Variants in MYO1E observed in about 807,000 individuals in gnomAD.
MYO1E encodes myosin IE, also known as unconventional myosin-Ie.
A neutral mutation model predicts 151.1 loss-of-function variants in MYO1E; 68 were observed. The ratio of observed to expected loss-of-function variants is 0.45; its 90% confidence interval spans 0.37 to 0.55. MYO1E has a LOEUF of 0.55. Ranked by LOEUF, MYO1E falls within the 20% of genes least tolerant of loss-of-function variation. MYO1E has a pLI of 0.00. For missense variants in MYO1E, 1,363 were observed against 1,389.3 expected (o/e 0.98, Z 0.30); for synonymous variants, 601 against 501.7 (o/e 1.20, Z -2.64).
chr15:59,239,336 T>A (rs1225666670), intron 4 of MYO1E, among the ~76,000 whole-genome samples: 1 of 151,582 alleles, frequency 6.6e-6, no homozygotes, highest in Admixed American at 6.6e-5. Context: ...TTCATTACAT[T>A]ATTATTATTC....
intron 1 of MYO1E, among the ~76,000 whole-genome samples, chr15:59,368,971 T>G (rs2080929942): frequency 6.6e-6 from 1 of 152,222 alleles, no homozygotes; most frequent in African/African-American, 2.4e-5. Flanking sequence ...CTCTAGGTAT[T>G]TCCCCAACGC....
At chr15:59,301,301 C>T (rs549509915) in intron 1 of MYO1E, among the ~76,000 whole-genome samples, 2 of 152,302 alleles carry the variant, frequency 1.3e-5, no homozygotes, top group South Asian at 4.2e-4. Flanking sequence ...TACATCTGAG[C>T]ATTTAAAAAT....
intron 4 of MYO1E, among the ~76,000 whole-genome samples, chr15:59,245,334 T>C (rs147674210): frequency 3.3e-5 from 5 of 152,296 alleles, no homozygotes; most frequent in African/African-American, 1.2e-4. Flanking sequence ...CTGCAAAAAT[T>C]ACATATTTCA....
intron 1 of MYO1E, among the ~76,000 whole-genome samples, chr15:59,349,813 T>C (rs907110158): frequency 6.6e-6 from 1 of 152,228 alleles, no homozygotes; most frequent in Non-Finnish European, 1.5e-5. Flanking sequence ...AACTGAAGCA[T>C]TTCCTTAACA....
At chr15:59,182,916 C>T (rs990720715) in intron 18 of MYO1E, among the ~76,000 whole-genome samples, 1 of 152,166 alleles carries the variant, frequency 6.6e-6, no homozygotes, top group East Asian at 1.9e-4. Context: ...TGAAACTGTT[C>T]CACCTCAGGT....
At chr15:59,240,999 T>C (rs1322087560) in intron 4 of MYO1E, among the ~76,000 whole-genome samples, 2 of 152,208 alleles carry the variant, frequency 1.3e-5, no homozygotes, top group African/African-American at 4.8e-5. Flanking sequence ...AGTGGAGATG[T>C]GGGTATGGCT....
intron 12 of MYO1E, among the ~76,000 whole-genome samples, chr15:59,213,168 TA>T (rs2079891401): frequency 6.8e-6 from 1 of 147,234 alleles, no homozygotes; most frequent in African/African-American, 2.5e-5. Flanking sequence ...TTATTATTAT[TA>T]TTATTATTAT....
At chr15:59,273,444 C>T (rs1201031203) in intron 1 of MYO1E, among the ~76,000 whole-genome samples, 1 of 152,140 alleles carries the variant, frequency 6.6e-6, no homozygotes, top group Non-Finnish European at 1.5e-5. Context: ...CCTTGAAGGA[C>T]ACCTAGATAA....
At chr15:59,357,756 G>A (rs2080863290) in intron 1 of MYO1E, among the ~76,000 whole-genome samples, 1 of 152,090 alleles carries the variant, frequency 6.6e-6, no homozygotes, top group Non-Finnish European at 1.5e-5. Context: ...TGCCAAGGAG[G>A]TAATTTTCAA....
At chr15:59,349,253 T>C (rs1398369753) in intron 1 of MYO1E, among the ~76,000 whole-genome samples, 1 of 152,238 alleles carries the variant, frequency 6.6e-6, no homozygotes, top group Non-Finnish European at 1.5e-5. Flanking sequence ...TAGGTATATA[T>C]GCATATGCCT....
intron 1 of MYO1E, among the ~76,000 whole-genome samples, chr15:59,362,715 A>G (rs1229927302): frequency 1.3e-5 from 2 of 152,206 alleles, no homozygotes; most frequent in African/African-American, 4.8e-5. Context: ...TTATTTTTTC[A>G]TTGAAAATTT....
chr15:59,341,579 A>G (rs985822775), intron 1 of MYO1E, among the ~76,000 whole-genome samples: 52 of 152,240 alleles, frequency 3.4e-4, no homozygotes, highest in African/African-American at 1.2e-3. Flanking sequence ...TCCCACAAAT[A>G]AGTGAGAAAA....
At chr15:59,193,520 A>C (rs2140328987) in intron 17 of MYO1E, among the ~76,000 whole-genome samples, 1 of 152,352 alleles carries the variant, frequency 6.6e-6, no homozygotes, top group East Asian at 1.9e-4. Context: ...CTCCAAGAGA[A>C]GGGCTAAGAT....
intron 24 of MYO1E, 70 bp from the exon 25 acceptor site, chr15:59,158,449 A>C (rs2079520488): frequency 8.0e-7 from 1 of 1,256,466 alleles, no homozygotes; most frequent in Non-Finnish European, 1.1e-6. Flanking sequence ...GGTTCTTTGC[A>C]TATGGAAAAT....
chr15:59,304,044 G>A (rs1169186416), intron 1 of MYO1E, among the ~76,000 whole-genome samples: 3 of 149,112 alleles, frequency 2.0e-5, no homozygotes, highest in East Asian at 2.0e-4. Context: ...GTGCAACGGC[G>A]CAATCTTGGC....
intron 1 of MYO1E, among the ~76,000 whole-genome samples, chr15:59,339,996 C>T (rs1194100949): frequency 1.3e-5 from 2 of 151,870 alleles, no homozygotes; most frequent in African/African-American, 4.8e-5. Context: ...TACAGGTGTC[C>T]GCTACCACAT....
intron 1 of MYO1E, among the ~76,000 whole-genome samples, chr15:59,296,926 G>A (rs1213936464): frequency 2.2e-5 from 3 of 136,262 alleles, no homozygotes; most frequent in African/African-American, 5.4e-5. Flanking sequence ...TGCAAGCTCC[G>A]CCTCCCGGGT....
chr15:59,297,552 G>C (rs1186550294), intron 1 of MYO1E, among the ~76,000 whole-genome samples: 6 of 150,320 alleles, frequency 4.0e-5, no homozygotes, highest in African/African-American at 7.3e-5. Context: ...CAAAGTGCTG[G>C]GATAAAAAGC....
At chr15:59,168,607 G>A (rs1834468194) in intron 22 of MYO1E, among the ~76,000 whole-genome samples, 1 of 152,010 alleles carries the variant, frequency 6.6e-6, no homozygotes, top group Non-Finnish European at 1.5e-5. Flanking sequence ...CCAATTCACG[G>A]ATAATCACAA....
Sources: allele counts gnomAD v4.1 joint callset (sites outside exome capture counted in the v4.1 genomes callset), GRCh38; gene constraint gnomAD v4.1.1; transcripts MANE v1.5; gene names NCBI Gene and HGNC (gene_info 2026-07-23, HGNC 2026-07-21).